The following TMEM150C variants were observed in gnomAD, a reference collection of about 807,000 sequenced individuals.
The protein encoded by TMEM150C is tentonin 3.
In TMEM150C, 10 loss-of-function variants were observed where a neutral mutation model predicts 29.9. The observed-to-expected ratio is 0.33, with a 90% CI of 0.21 to 0.57. The LOEUF is 0.57. Ranked by LOEUF, TMEM150C falls within the 20% of genes least tolerant of loss-of-function variation. TMEM150C has a pLI of 0.88. For missense variants in TMEM150C, 251 were observed against 303.6 expected (o/e 0.83, Z 1.29); for synonymous variants, 101 against 112.5 (o/e 0.90, Z 0.64).
chr4:82,509,960 C>A (rs138034716), intron 1 of TMEM150C, among the ~76,000 whole-genome samples: 1 of 152,066 alleles, frequency 6.6e-6, no homozygotes, highest in Non-Finnish European at 1.5e-5. Flanking sequence ...TCCTTGAGGA[C>A]AAACTTTCTA....
chr4:82,532,751 CAG>C (rs1216932277), intron 1 of TMEM150C, among the ~76,000 whole-genome samples: 1 of 145,788 alleles, frequency 6.9e-6, no homozygotes, highest in African/African-American at 2.6e-5. Context: ...TTTTTTGAGA[CAG>C]AGTCTCACTC....
chr4:82,489,611 T>C (rs78106740), intron 7 of TMEM150C, among the ~76,000 whole-genome samples: 1 of 152,114 alleles, frequency 6.6e-6, no homozygotes, highest in African/African-American at 2.4e-5. Flanking sequence ...CCAGAAAAGC[T>C]TCATTATTTT....
chr4:82,557,128 C>T (rs982721701), intron 1 of TMEM150C, among the ~76,000 whole-genome samples: 1 of 152,096 alleles, frequency 6.6e-6, no homozygotes, highest in African/African-American at 2.4e-5. Context: ...TCTCCATGAT[C>T]AAAATAATGG....
intron 1 of TMEM150C, among the ~76,000 whole-genome samples, chr4:82,531,328 CT>C (rs1724838930): frequency 6.6e-6 from 1 of 152,132 alleles, no homozygotes; most frequent in South Asian, 2.1e-4. Flanking sequence ...TGGAAGTCAG[CT>C]GCATAGAGGT....
chr4:82,516,663 T>C (rs774471337), intron 1 of TMEM150C, among the ~76,000 whole-genome samples: 6 of 152,134 alleles, frequency 3.9e-5, no homozygotes, highest in Non-Finnish European at 8.8e-5. Context: ...CCATTTGTGG[T>C]CCAGAAAAAG....
chr4:82,489,243 T>C (rs1252878332), intron 7 of TMEM150C, among the ~76,000 whole-genome samples: 1 of 152,004 alleles, frequency 6.6e-6, no homozygotes, highest in African/African-American at 2.4e-5. Context: ...GGCAGGCTTC[T>C]ATTGGGCCAC....
intron 1 of TMEM150C, 116 bp downstream of exon 1, chr4:82,561,790 G>C: frequency 1.3e-6 from 1 of 785,194 alleles, no homozygotes; most frequent in Non-Finnish European, 1.5e-6. Flanking sequence ...AGCCGCCCCA[G>C]CCGCGCTGCA....
Position 82,514,796 on chromosome 4 carries a change from C to T in TMEM150C, c.-10-10129G>A, listed in dbSNP as rs74894968. ...TACTCATTTCCTATGAACCGGGACA[C>T]GATGACCGGAAGACAGGAGCTATGC... On this transcript the variant is annotated intron_variant, in intron 1 of 7. Transcript: ENST00000449862. Among the ~76,000 whole-genome samples, 1,018 of 152,138 alleles carry T rather than the reference C, an allele frequency of 6.7e-3. 8 individuals carry two copies. Among genetic ancestry groups the T allele is most frequent in the African/African-American group, 0.023 (967 of 41,500 alleles).
intron 1 of TMEM150C, among the ~76,000 whole-genome samples, chr4:82,561,396 C>A (rs1000954025): frequency 6.6e-6 from 1 of 152,234 alleles, no homozygotes; most frequent in African/African-American, 2.4e-5. Flanking sequence ...CTTCCCAGAT[C>A]CCCTGCTTCC....
At chr4:82,495,746 C>A in intron 6 of TMEM150C, 1 of 348,934 alleles carries the variant, frequency 2.9e-6, no homozygotes, top group Non-Finnish European at 5.6e-6. Context: ...CTGATTCGGA[C>A]CACATAACCC....
chr4:82,550,239 T>G lies in TMEM150C; in HGVS notation c.-11+11667A>C, dbSNP rs549513027. On this transcript the variant is annotated intron_variant, in intron 1 of 7. Coordinates refer to ENST00000449862, the MANE Select transcript of TMEM150C (RefSeq NM_001080506.3). Reference sequence around the variant, plus strand: ...AACAGTTCCACCTTCACATGCTCTCTCTCATGAACTCTCATGAACTCTCTC... The same window carrying G: ...AACAGTTCCACCTTCACATGCTCTCGCTCATGAACTCTCATGAACTCTCTC... Among the ~76,000 whole-genome samples, 3 of 152,204 alleles carry G rather than the reference T, an allele frequency of 2.0e-5. No homozygotes were observed. The South Asian group carries it at 6.2e-4, about 32-fold the overall frequency.
intron 5 of TMEM150C, among the ~76,000 whole-genome samples, chr4:82,499,871 T>A (rs1262269272): frequency 1.3e-5 from 2 of 152,152 alleles, no homozygotes; most frequent in Admixed American, 6.6e-5. Context: ...TGGCCAAATT[T>A]TTGTTTTGTT....
chr4:82,556,091 GTT>G (rs74418928), intron 1 of TMEM150C, among the ~76,000 whole-genome samples: 3 of 147,070 alleles, frequency 2.0e-5, no homozygotes, highest in Non-Finnish European at 4.5e-5. Context: ...TTCTAGTGTT[GTT>G]TTTTTTTTTC....
intron 6 of TMEM150C, 196 bp downstream of exon 6, chr4:82,495,872 G>C (rs555218166): frequency 1.5e-6 from 1 of 649,746 alleles, no homozygotes; most frequent in African/African-American, 1.8e-5. Context: ...CCAATGGCTA[G>C]GAAGGAGCTG....
chr4:82,526,096 G>A (rs1169449407), intron 1 of TMEM150C, among the ~76,000 whole-genome samples: 1 of 152,120 alleles, frequency 6.6e-6, no homozygotes, highest in African/African-American at 2.4e-5. Context: ...GTAGAGACAG[G>A]GTTTTACCAT....
At chr4:82,559,053 T>C (rs58727746) in intron 1 of TMEM150C, among the ~76,000 whole-genome samples, 2,458 of 152,230 alleles carry the variant, frequency 0.016, 62 homozygotes, top group African/African-American at 0.056. Flanking sequence ...CCCTTGAGAA[T>C]GTACTTTGTG....
chr4:82,552,516 C>T (rs868596322), intron 1 of TMEM150C, among the ~76,000 whole-genome samples: 17 of 152,162 alleles, frequency 1.1e-4, no homozygotes, highest in African/African-American at 3.6e-4. Context: ...GTGTCCATTT[C>T]CCTGCCCATC....
chr4:82,496,961 G>C (rs139933986), intron 5 of TMEM150C, among the ~76,000 whole-genome samples: 1 of 152,142 alleles, frequency 6.6e-6, no homozygotes, highest in Non-Finnish European at 1.5e-5. Flanking sequence ...ACTAAAAATC[G>C]TACCTAGTAT....
At chr4:82,546,527 A>T (rs1443515318) in intron 1 of TMEM150C, among the ~76,000 whole-genome samples, 2 of 152,168 alleles carry the variant, frequency 1.3e-5, no homozygotes, top group Non-Finnish European at 2.9e-5. Context: ...GGCTAGCCTT[A>T]TGCAGAAAAA....
Sources: gnomAD v4.1 joint callset for allele counts (sites outside exome capture counted in the v4.1 genomes callset) on GRCh38, gnomAD v4.1.1 for gene constraint, MANE v1.5 for transcripts, NCBI Gene and HGNC (gene_info 2026-07-23, HGNC 2026-07-21) for gene names.